NAT1: variants seen among roughly 807,000 people sequenced by gnomAD.
NAT1 encodes the protein arylamine N-acetyltransferase 1.
For missense variants in NAT1, 400 were observed against 339.2 expected (o/e 1.18, Z -1.41); for synonymous variants, 144 against 122.6 (o/e 1.17, Z -1.16).
chr8:18,196,032 C>G (rs969248827), intron 2 of NAT1, among the ~76,000 whole-genome samples: 1 of 151,848 alleles, frequency 6.6e-6, no homozygotes, highest in Non-Finnish European at 1.5e-5. Context: ...GATGGTGGAT[C>G]CAAGGATTAA....
At position 18,222,419 on chromosome 8, in the gene NAT1, G is replaced by A. The variant is rs774495162; in HGVS notation, c.372G>A (p.Gly124=). The part of the protein sequence containing the change: ...IDGRNYIVDA[G]FGRSYQMWQP... Reference sequence around the variant, plus strand: ...GCAGGAACTACATTGTCGATGCTGGGTTTGGACGCTCATACCAGATGTGGC... The same window carrying A: ...GCAGGAACTACATTGTCGATGCTGGATTTGGACGCTCATACCAGATGTGGC... Residue 124 remains glycine, a synonymous_variant, in exon 3 of 3, where the codon GGG becomes GGA. Transcript: ENST00000307719. 1 of 1,613,956 alleles carries A rather than the reference G, an allele frequency of 6.2e-7. No homozygotes were observed. Among genetic ancestry groups the A allele is most frequent in the East Asian group, 2.2e-5 (1 of 44,884 alleles).
chr8:18,185,849 C>A (rs535131061), intron 2 of NAT1, among the ~76,000 whole-genome samples: 12 of 152,150 alleles, frequency 7.9e-5, no homozygotes, highest in African/African-American at 2.6e-4. Flanking sequence ...TGATATGTTA[C>A]ATTTTGTTAT....
upstream of NAT1, among the ~76,000 whole-genome samples, chr8:18,205,774 C>A (rs536226912): frequency 6.6e-6 from 1 of 152,166 alleles, no homozygotes; most frequent in Non-Finnish European, 1.5e-5. Flanking sequence ...CATGCTAGAG[C>A]TCCTCGCAGG....
At chr8:18,203,419 CTG>C (rs1318094209) in intron 2 of NAT1, among the ~76,000 whole-genome samples, 2 of 152,192 alleles carry the variant, frequency 1.3e-5, no homozygotes, top group African/African-American at 4.8e-5. Flanking sequence ...CCTAGATCTA[CTG>C]GTAAGATAAG....
At chr8:18,213,167 C>T (rs1187499343) in intron 1 of NAT1, among the ~76,000 whole-genome samples, 7 of 151,900 alleles carry the variant, frequency 4.6e-5, no homozygotes, top group African/African-American at 1.7e-4. Flanking sequence ...TCGCCTCGGC[C>T]TCCCAAAGCG....
At chr8:18,189,631 T>G (rs1802898663) in intron 2 of NAT1, among the ~76,000 whole-genome samples, 1 of 152,174 alleles carries the variant, frequency 6.6e-6, no homozygotes, top group African/African-American at 2.4e-5. Flanking sequence ...AAGGCTTTTG[T>G]TTATTTACTT....
chr8:18,188,345 T>C (rs1452027164), intron 2 of NAT1, among the ~76,000 whole-genome samples: 2 of 152,194 alleles, frequency 1.3e-5, no homozygotes, highest in African/African-American at 4.8e-5. Flanking sequence ...CTGACACTAA[T>C]GACGAAATTT....
At chr8:18,193,066 AATTTT>A in intron 2 of NAT1, among the ~76,000 whole-genome samples, 1 of 130,176 alleles carries the variant, frequency 7.7e-6, no homozygotes, top group Admixed American at 9.1e-5. Flanking sequence ...AATGAATTAG[AATTTT>A]TTTTTTTTTT....
intron 2 of NAT1, among the ~76,000 whole-genome samples, chr8:18,183,864 T>C (rs1268141335): frequency 6.6e-6 from 1 of 152,196 alleles, no homozygotes; most frequent in Non-Finnish European, 1.5e-5. Context: ...CTTGACTCTA[T>C]GGCCTGCCTT....
chr8:18,200,960 A>G (rs1324622231), intron 2 of NAT1: 1 of 152,202 alleles, frequency 6.6e-6, no homozygotes, highest in Admixed American at 6.5e-5. Context: ...AGTCTAGGCC[A>G]TAGGTGCTGG....
chr8:18,205,779 C>T (rs1002111668), upstream of NAT1, among the ~76,000 whole-genome samples: 14 of 152,162 alleles, frequency 9.2e-5, no homozygotes, highest in East Asian at 7.7e-4. Context: ...TAGAGCTCCT[C>T]GCAGGTTAGG....
Position 18,179,936 on chromosome 8 carries a change from T to C in NAT1, n.92+9197T>C, listed in dbSNP as rs565423433. ...ACTTTACAAGATATACAAAGAATAA[T>C]AGAGGAGATGTCATAAGGCAACAAT... On this transcript the variant is annotated intron_variant and non_coding_transcript_variant, in intron 2 of 4. Coordinates refer to the NAT1 transcript ENST00000517441. Among the ~76,000 whole-genome samples, 7 of 152,122 alleles carry C rather than the reference T, an allele frequency of 4.6e-5. No homozygotes were observed. In the South Asian group the frequency reaches 1.5e-3, roughly 32 times the overall value.
intron 2 of NAT1, among the ~76,000 whole-genome samples, chr8:18,199,032 G>C (rs1432505892): frequency 6.7e-5 from 10 of 149,976 alleles, no homozygotes; most frequent in African/African-American, 2.2e-4. Flanking sequence ...CCTTTTTTTT[G>C]GCCTGGTGAT....
chr8:18,184,295 GC>G (rs1802642535), intron 2 of NAT1, among the ~76,000 whole-genome samples: 1 of 152,180 alleles, frequency 6.6e-6, no homozygotes, highest in Non-Finnish European at 1.5e-5. Context: ...AAGGAGAGTT[GC>G]ATTAGAATGC....
chr8:18,196,118 A>G (rs555391980), intron 2 of NAT1, among the ~76,000 whole-genome samples: 1 of 146,944 alleles, frequency 6.8e-6, no homozygotes, highest in South Asian at 2.2e-4. Context: ...TACAACTTTT[A>G]TTTTTTTTTT....
chr8:18,204,911 A>T (rs1235943196), intron 2 of NAT1, among the ~76,000 whole-genome samples: 3 of 152,210 alleles, frequency 2.0e-5, no homozygotes, highest in Non-Finnish European at 4.4e-5. Flanking sequence ...AGTGGAATGA[A>T]GTGACTGACC....
chr8:18,221,583 T>C (rs1279434717), intron 2 of NAT1, among the ~76,000 whole-genome samples: 1 of 152,200 alleles, frequency 6.6e-6, no homozygotes, highest in Non-Finnish European at 1.5e-5. Flanking sequence ...GATGAGTGAA[T>C]CAATACAGTT....
At chr8:18,187,936 AAC>A (rs35203470) in intron 2 of NAT1, among the ~76,000 whole-genome samples, 44,670 of 137,090 alleles carry the variant, frequency 0.33, 7,133 homozygotes, top group Non-Finnish European at 0.38. Context: ...TTGTATCTTA[AAC>A]ACACACACAC....
intron 2 of NAT1, among the ~76,000 whole-genome samples, chr8:18,188,097 T>G (rs1005161399): frequency 6.6e-6 from 1 of 152,112 alleles, no homozygotes; most frequent in African/African-American, 2.4e-5. Context: ...ATCTAGAAAT[T>G]AATATACTTT....
Sources: gnomAD v4.1 joint callset for allele counts (sites outside exome capture counted in the v4.1 genomes callset) on GRCh38, gnomAD v4.1.1 for gene constraint, MANE v1.5 for transcripts, NCBI Gene and HGNC (gene_info 2026-07-23, HGNC 2026-07-21) for gene names.